GRID2: variants seen among roughly 807,000 people sequenced by gnomAD.
GRID2 encodes the protein glutamate receptor ionotropic, delta-2.
GRID2 carries 33 observed loss-of-function variants against 114.8 expected under a neutral mutation model. That is an observed-to-expected ratio of 0.29 (90% confidence interval 0.22 to 0.38). GRID2 has a LOEUF of 0.38. Ranked by LOEUF, GRID2 falls within the 10% of genes least tolerant of loss-of-function variation. The pLI is 1.00. For synonymous variants in GRID2, 505 were observed against 449.9 expected (o/e 1.12, Z -1.55); for missense variants, 1,184 against 1,257.7 (o/e 0.94, Z 0.89).
At position 92,880,006 on chromosome 4, in the gene GRID2, G is replaced by A. The variant is rs1253155629; in HGVS notation, c.245-204989G>A. On this transcript the variant is annotated intron_variant, in intron 2 of 15. Coordinates refer to ENST00000282020, the MANE Select transcript of GRID2 (RefSeq NM_001510.4). ...TTTACCAAACAGAAAGTTCAACACA[G>A]TTTTGTATGTATAAAAATCCAAGGA... is the stretch of plus-strand genomic sequence containing the variant. Among the ~76,000 whole-genome samples, 3 of 152,132 alleles carry A rather than the reference G, an allele frequency of 2.0e-5. No homozygotes were observed. The East Asian group carries it at 5.8e-4, about 29-fold the overall frequency.
chr4:92,888,341 A>G (rs1746517402), intron 2 of GRID2, among the ~76,000 whole-genome samples: 1 of 152,282 alleles, frequency 6.6e-6, no homozygotes, highest in South Asian at 2.1e-4. Context: ...ATATTTAGTA[A>G]GAAAGTAATT....
intron 14 of GRID2, among the ~76,000 whole-genome samples, chr4:93,652,112 A>G (rs1247514681): frequency 6.6e-6 from 1 of 151,876 alleles, no homozygotes; most frequent in Non-Finnish European, 1.5e-5. Flanking sequence ...ACTATATTTG[A>G]ATACAGGGTC....
intron 14 of GRID2, among the ~76,000 whole-genome samples, chr4:93,661,969 C>T (rs1221559874): frequency 6.6e-6 from 1 of 152,134 alleles, no homozygotes; most frequent in African/African-American, 2.4e-5. Flanking sequence ...GGGCTCCCCG[C>T]CTTGCCAGCT....
At chr4:92,960,166 T>C (rs1449647595) in intron 2 of GRID2, among the ~76,000 whole-genome samples, 1 of 152,054 alleles carries the variant, frequency 6.6e-6, no homozygotes, top group Non-Finnish European at 1.5e-5. Context: ...TTTGTTAAAA[T>C]ATGTTTTATG....
chr4:92,669,092 C>T (rs1039077526), intron 2 of GRID2, among the ~76,000 whole-genome samples: 1 of 151,868 alleles, frequency 6.6e-6, no homozygotes, highest in East Asian at 1.9e-4. Context: ...CTCTCCTAAA[C>T]ATTTTCTGCC....
chr4:93,697,477 A>G (rs1727119331), intron 14 of GRID2, among the ~76,000 whole-genome samples: 1 of 152,082 alleles, frequency 6.6e-6, no homozygotes, highest in African/African-American at 2.4e-5. Flanking sequence ...AATTTGGTCT[A>G]TTTAGTTCAT....
intron 1 of GRID2, among the ~76,000 whole-genome samples, chr4:92,518,246 A>C (rs1355967615): frequency 2.0e-5 from 3 of 151,578 alleles, no homozygotes; most frequent in Admixed American, 2.0e-4. Context: ...ATTAGGAGTT[A>C]AGGTAAAGGT....
chr4:92,895,031 C>G lies in GRID2; in HGVS notation c.245-189964C>G, dbSNP rs560160649. Among the ~76,000 whole-genome samples the G allele has an allele frequency of 2.5e-3, 387 of 152,052 alleles. 1 individual carries two copies. Among genetic ancestry groups the G allele is most frequent in the African/African-American group, 9.0e-3 (374 of 41,478 alleles). ...TTTATATATGTTATGTTAAACCTGTCTCCCATATTTAAGTTAATCAATATA... is the reference window on the plus strand; with the variant it reads ...TTTATATATGTTATGTTAAACCTGTGTCCCATATTTAAGTTAATCAATATA... On this transcript the variant is annotated intron_variant, in intron 2 of 15. Transcript: ENST00000282020.
At position 93,062,716 on chromosome 4, in the gene GRID2, G is replaced by A. The variant is rs112433521; in HGVS notation, c.245-22279G>A. ...TATTATTAAAATAAACCTTTAGATAGTTTTAAAGTCAATTCAACATTTTTA... is the reference window on the plus strand; with the variant it reads ...TATTATTAAAATAAACCTTTAGATAATTTTAAAGTCAATTCAACATTTTTA... On this transcript the variant is annotated intron_variant, in intron 2 of 15. Transcript: ENST00000282020. Among the ~76,000 whole-genome samples, 1,273 of 152,030 alleles carry A rather than the reference G, an allele frequency of 8.4e-3. 25 individuals carry two copies. Among genetic ancestry groups the A allele is most frequent in the African/African-American group, 0.029 (1,210 of 41,510 alleles).
chr4:92,501,448 G>A (rs1156337963), intron 1 of GRID2, among the ~76,000 whole-genome samples: 3 of 152,198 alleles, frequency 2.0e-5, no homozygotes, highest in African/African-American at 7.2e-5. Flanking sequence ...GGTTGGCACA[G>A]GAGGAATGAA....
At chr4:93,174,296 G>T (rs1248096818) in intron 4 of GRID2, among the ~76,000 whole-genome samples, 1 of 152,152 alleles carries the variant, frequency 6.6e-6, no homozygotes, top group East Asian at 1.9e-4. Context: ...CTGACACCTG[G>T]CAACCACTAA....
chr4:93,317,442 C>T (rs191428044), intron 8 of GRID2, among the ~76,000 whole-genome samples: 5 of 151,662 alleles, frequency 3.3e-5, no homozygotes, highest in Non-Finnish European at 7.4e-5. Flanking sequence ...CAGAACAAGT[C>T]GACAGCTGTT....
At chr4:92,990,790 T>A (rs367996616) in intron 2 of GRID2, among the ~76,000 whole-genome samples, 5 of 152,214 alleles carry the variant, frequency 3.3e-5, no homozygotes, top group African/African-American at 1.2e-4. Context: ...AGAAACGGAT[T>A]TGATGGTGAC....
At chr4:92,965,953 A>G (rs1226044374) in intron 2 of GRID2, among the ~76,000 whole-genome samples, 1 of 151,944 alleles carries the variant, frequency 6.6e-6, no homozygotes, top group Non-Finnish European at 1.5e-5. Flanking sequence ...TGAAATTTAT[A>G]AAGTTCATAC....
intron 14 of GRID2, among the ~76,000 whole-genome samples, chr4:93,686,150 C>G (rs1420186208): frequency 1.3e-5 from 2 of 151,990 alleles, no homozygotes; most frequent in African/African-American, 4.8e-5. Context: ...GTCTCGTATT[C>G]TCTTTCTTAG....
At chr4:92,784,592 A>G (rs1490015469) in intron 2 of GRID2, among the ~76,000 whole-genome samples, 1 of 151,976 alleles carries the variant, frequency 6.6e-6, no homozygotes, top group Non-Finnish European at 1.5e-5. Context: ...TATCTGTATC[A>G]TATTTATCAG....
chr4:93,455,737 A>C lies in GRID2; in HGVS notation c.1621A>C (p.Met541Leu). The change falls in exon 11 of 16, where the codon ATG becomes CTG. Residue 541 changes from methionine (M) to leucine (L), a missense_variant. Around this residue, in one of 3 missense-constraint regions of GRID2, gnomAD observed 717 missense variants for 796.9 expected, o/e 0.90. Coordinates refer to ENST00000282020, the MANE Select transcript of GRID2 (RefSeq NM_001510.4). ...ENVVDFTTRYMDYSVGVLLRR... is the reference protein window; with the variant it reads ...ENVVDFTTRYLDYSVGVLLRR... ...TGTGGTGGACTTTACGACACGTTAC[A>C]TGGACTACTCAGTGGGGGTACTACT... 3 of 1,611,842 alleles carry C rather than the reference A, an allele frequency of 1.9e-6. No individual in the cohort carries two copies. The highest frequency in any genetic ancestry group is 2.5e-6 in the Non-Finnish European group (3 of 1,177,968).
intron 4 of GRID2, among the ~76,000 whole-genome samples, chr4:93,170,561 A>G (rs1042472943): frequency 6.6e-6 from 1 of 152,164 alleles, no homozygotes; most frequent in Non-Finnish European, 1.5e-5. Flanking sequence ...GCTTCGCCAT[A>G]ATAGCAGTTT....
intron 2 of GRID2, among the ~76,000 whole-genome samples, chr4:92,629,538 T>C (rs890858988): frequency 6.6e-6 from 1 of 151,970 alleles, no homozygotes; most frequent in African/African-American, 2.4e-5. Flanking sequence ...GAAAATGGAA[T>C]TGGATATAAC....
Sources: gnomAD v4.1 joint callset for allele counts (sites outside exome capture counted in the v4.1 genomes callset) on GRCh38, gnomAD v4.1.1 for gene constraint, gnomAD v4.1.1 regional missense constraint, MANE v1.5 for transcripts, NCBI Gene and HGNC (gene_info 2026-07-23, HGNC 2026-07-21) for gene names.